The following ASPM variants were observed in gnomAD, a reference collection of about 807,000 sequenced individuals.
The protein encoded by ASPM is abnormal spindle-like microcephaly-associated protein.
In ASPM, 256 loss-of-function variants were observed where a neutral mutation model predicts 366.4. That is an observed-to-expected ratio of 0.70 (90% CI 0.63 to 0.77). ASPM has a LOEUF of 0.77. ASPM is among the 30% of genes least tolerant of loss of function. The pLI is 0.00. For synonymous variants in ASPM, 1,414 were observed against 1,342.9 expected, an observed-to-expected ratio of 1.05 and a Z score of -1.16; for missense variants, 4,146 against 4,090.4, an observed-to-expected ratio of 1.01 and a Z score of -0.37.
rs1470432298 is a variant in ASPM, at chr1:197,100,467, C to G, written c.8784G>C (p.Lys2928Asn). The change falls in exon 18 of 28, where the codon AAG (lysine) becomes AAC (asparagine). Residue 2928 changes from lysine to asparagine, a missense_variant. This residue lies in a region of ASPM where 3,624 missense variants were observed against 3,591.7 expected (regional missense o/e 1.01). Transcript: ENST00000367409. ...ARSKGFIQKR[K>N]FQEIKNSTIK... ...TGGTGCTATTTTTAATTTCCTGAAA[C>G]TTCCGTTTCTGTATAAATCCTTTAC... 6.4e-7 allele frequency: 1 copy of G among 1,570,388 alleles called. No individual in the cohort carries two copies. Among genetic ancestry groups the G allele is most frequent in the Admixed American group, 1.9e-5 (1 of 53,366 alleles).
At chr1:197,119,597 T>C (rs1360735384) in intron 16 of ASPM, among the ~76,000 whole-genome samples, 2 of 120,540 alleles carry the variant, frequency 1.7e-5, no homozygotes, top group Non-Finnish European at 3.7e-5. Flanking sequence ...AAATTACATA[T>C]ACTGATGATA....
intron 9 of ASPM, among the ~76,000 whole-genome samples, chr1:197,128,878 T>C (rs902541326): frequency 6.6e-5 from 10 of 152,150 alleles, no homozygotes; most frequent in Non-Finnish European, 1.0e-4. Context: ...TAGCATTAAC[T>C]TGATTATATA....
At position 197,146,643 on chromosome 1, in the gene ASPM, G is replaced by A; in HGVS notation, c.-206C>T. 1 of 623,730 alleles carries A rather than the reference G, an allele frequency of 1.6e-6. No homozygotes were observed. The highest frequency in any genetic ancestry group is 2.0e-5 in the South Asian group (1 of 50,588). The allele number at this position is 623,730 out of a possible 1,614,324, so 38.6% of individuals were successfully genotyped here. On this transcript the variant is annotated 5_prime_UTR_variant, in exon 1 of 28. Transcript: ENST00000367409. ...ATAAACTCGCAAATTAAAAAGAGGAGCCAAACAAGTATGGCGTTTTGACTC... is the reference window on the plus strand; with the variant it reads ...ATAAACTCGCAAATTAAAAAGAGGAACCAAACAAGTATGGCGTTTTGACTC...
In ASPM at chr1:197,139,790, G is replaced by T. The variant is rs1658528062; in HGVS notation, c.2003C>A (p.Thr668Asn). Residue 668 changes from threonine (T) to asparagine (N), a missense_variant, in exon 4 of 28, where the codon ACC (threonine) becomes AAC (asparagine). By Grantham distance (65) the Thr-to-Asn change is moderately conservative. Transcript: ENST00000367409. ...PIIAVAQSSL[T>N]FIKPLKTDIP... ...GCCTGTTTTTAATGGTTTTATGAAG[G>T]TCAAACTGGACTGTGCCACAGCGAT... is the stretch of plus-strand genomic sequence containing the variant. 3.1e-6 allele frequency: 5 copies of T among 1,610,018 alleles called. No individual in the cohort carries two copies. Among genetic ancestry groups the T allele is most frequent in the African/African-American group, 1.3e-5 (1 of 74,802 alleles).
intron 4 of ASPM, chr1:197,139,224 C>G (rs1571627178): frequency 1.1e-6 from 1 of 925,170 alleles, no homozygotes; most frequent in Admixed American, 1.7e-5. Flanking sequence ...GAAAACTCCC[C>G]AAGGCTAGTG....
In ASPM at chr1:197,146,640, G is replaced by A. The variant is rs1207975027; in HGVS notation, c.-203C>T. On this transcript the variant is annotated 5_prime_UTR_variant, in exon 1 of 28. Transcript: ENST00000367409. ...CCAATAAACTCGCAAATTAAAAAGA[G>A]GAGCCAAACAAGTATGGCGTTTTGA... 2 of 628,408 alleles carry A rather than the reference G, an allele frequency of 3.2e-6. No homozygotes were observed. The highest frequency in any genetic ancestry group is 2.8e-5 in the East Asian group (1 of 36,360). 38.9% of individuals were successfully genotyped at this position (628,408 alleles called of 1,614,324 possible). A position where few individuals can be genotyped will look rare whatever the true frequency, so the allele number is the denominator to read the frequency against.
Position 197,121,980 on chromosome 1 carries a change from C to A in ASPM, c.3805G>T (p.Ala1269Ser). 6.2e-7 allele frequency: 1 copy of A among 1,611,398 alleles called. No homozygotes were observed. Among genetic ancestry groups the A allele is most frequent in the Non-Finnish European group, 8.5e-7 (1 of 1,177,920 alleles). The change falls in exon 16 of 28, where the codon GCT becomes TCT. Residue 1269 changes from alanine (A) to serine (S), a missense_variant. Transcript: ENST00000367409. The stretch of plus-strand genomic sequence containing the variant: ...CATGTTGTTTGTATGAGTCGAGCAG[C>A]TCTTATTTCTTTACGAAGATCCAAA... ...RLLDLRKEIR[A>S]ARLIQTTWRK...
chr1:197,091,773 T>C, intron 22 of ASPM, 134 bp downstream of exon 22: 1 of 888,852 alleles, frequency 1.1e-6, no homozygotes, highest in Non-Finnish European at 1.7e-6. Flanking sequence ...CTCAAATCAT[T>C]GTAACAGCTA....
Position 197,102,150 on chromosome 1 carries a change from T to G in ASPM, c.7101A>C (p.Gln2367His). The G allele has an allele frequency of 1.2e-6, 2 of 1,612,932 alleles. No homozygotes were observed. The highest frequency in any genetic ancestry group is 1.7e-6 in the Non-Finnish European group (2 of 1,179,294). Residue 2367 changes from glutamine (Q) to histidine (H), a missense_variant, in exon 18 of 28, where the codon CAA (glutamine) becomes CAC (histidine). Around this residue, in one of 3 missense-constraint regions of ASPM, gnomAD observed 3,624 missense variants for 3,591.7 expected, o/e 1.01. Transcript: ENST00000367409. ...LKQASVVIQQ[Q>H]YQANRAAKLQ... Reference sequence around the variant, plus strand: ...GTTTTGCAGCTCTATTTGCTTGGTATTGCTGTTGGATCACAACGGAGGCCT... The same window carrying G: ...GTTTTGCAGCTCTATTTGCTTGGTAGTGCTGTTGGATCACAACGGAGGCCT...
intron 23 of ASPM, among the ~76,000 whole-genome samples, 159 bp downstream of exon 23, chr1:197,090,691 G>T (rs1656750586): frequency 6.6e-6 from 1 of 152,058 alleles, no homozygotes; most frequent in Non-Finnish European, 1.5e-5. Context: ...AAAATAAAGA[G>T]CTTAGCAATG....
chr1:197,084,220 G>T lies in ASPM; in HGVS notation c.*104C>A. 1.2e-6 allele frequency: 1 copy of T among 804,736 alleles called. No homozygotes were observed. The highest frequency in any genetic ancestry group is 2.1e-6 in the Non-Finnish European group (1 of 483,604). 49.8% of individuals were successfully genotyped at this position (804,736 alleles called of 1,614,324 possible). On this transcript the variant is annotated 3_prime_UTR_variant, in exon 28 of 28. Transcript: ENST00000367409. ...ACAGTTTATGTTTTTTTAAAACAAA[G>T]TCAGATTTTAAAAGTTGTACACGGA...
At position 197,101,311 on chromosome 1, in the gene ASPM, A is replaced by T. The variant is rs781611234; in HGVS notation, c.7940T>A (p.Leu2647His). The T allele has an allele frequency of 6.2e-6, 10 of 1,611,888 alleles. No homozygotes were observed. The South Asian group carries it at 1.1e-4, about 18-fold the overall frequency. Residue 2647 changes from leucine to histidine, a missense_variant, in exon 18 of 28, where the codon CTT becomes CAT. Physicochemically the swap from Leu to His is moderately conservative, Grantham distance 99 (BLOSUM62 -3). Around this residue, in one of 3 missense-constraint regions of ASPM, gnomAD observed 3,624 missense variants for 3,591.7 expected, o/e 1.01. Transcript: ENST00000367409. ...TTGAATAGAAACTACTGTTGCTCTA[A>T]GGTGGAGATAATGCTTCCTTATTTT... is the stretch of plus-strand genomic sequence containing the variant. ...AFKIRKHYLH[L>H]RATVVSIQRR...
Position 197,093,165 on chromosome 1 carries a change from T to C in ASPM, c.9181A>G (p.Lys3061Glu), listed in dbSNP as rs1434499220. The C allele has an allele frequency of 2.5e-6, 4 of 1,612,534 alleles. No homozygotes were observed. The highest frequency in any genetic ancestry group is 3.4e-6 in the Non-Finnish European group (4 of 1,179,012). The change falls in exon 21 of 28, where the codon AAA becomes GAA. Residue 3061 changes from lysine to glutamate, a missense_variant. Coordinates refer to ENST00000367409, the MANE Select transcript of ASPM (RefSeq NM_018136.5). ...CCAGCCTCCCTGGCTCGTATATATT[T>C]TTGTATGATCAAAGCAGCAGATTTC... Reference protein sequence around the residue: ...RQKSAALIIQKYIRAREAGKH... With the variant: ...RQKSAALIIQEYIRAREAGKH...
intron 4 of ASPM, 23 bp downstream of exon 4, chr1:197,139,744 G>T (rs754119186): frequency 2.4e-5 from 36 of 1,503,482 alleles, no homozygotes; most frequent in Non-Finnish European, 2.8e-6. Flanking sequence ...TTTTCAGAGA[G>T]TTTAAGTATA....
chr1:197,122,477 T>C lies in ASPM; in HGVS notation c.3509A>G (p.Glu1170Gly). Residue 1170 changes from glutamate to glycine, a missense_variant, in exon 14 of 28, where the codon GAA becomes GGA. Coordinates refer to ENST00000367409, the MANE Select transcript of ASPM (RefSeq NM_018136.5). ...TACCACTGAACCAGTTTGCGTACAT[T>C]CCACAGTTTGAGTAGTACGCTGACA... ...AICQRTTQTVECTQTGSVVLN... is the reference protein window; with the variant it reads ...AICQRTTQTVGCTQTGSVVLN... The C allele has an allele frequency of 6.2e-7, 1 of 1,613,806 alleles. No homozygotes were observed. Among genetic ancestry groups the C allele is most frequent in the East Asian group, 2.2e-5 (1 of 44,866 alleles).
At position 197,092,031 on chromosome 1, in the gene ASPM, C is replaced by A. The variant is rs587783290; in HGVS notation, c.9320G>T (p.Arg3107Leu). 6.2e-7 allele frequency: 1 copy of A among 1,611,484 alleles called. No homozygotes were observed. The highest frequency in any genetic ancestry group is 1.1e-5 in the South Asian group (1 of 90,974). ...KRFLEQRAKI[R>L]LLHFTAAAYY... Reference sequence around the variant, plus strand: ...TGCAGCTGCAGTGAAGTGAAGAAGTCGAATTTTGGCTCTCTGTTCTAAAAA... The same window carrying A: ...TGCAGCTGCAGTGAAGTGAAGAAGTAGAATTTTGGCTCTCTGTTCTAAAAA... Residue 3107 changes from arginine to leucine, a missense_variant, in exon 22 of 28, where the codon CGA (arginine) becomes CTA (leucine). Arg to Leu is a moderately radical substitution (Grantham distance 102). Transcript: ENST00000367409.
At chr1:197,120,261 T>C (rs781555559) in intron 16 of ASPM, among the ~76,000 whole-genome samples, 9 of 151,876 alleles carry the variant, frequency 5.9e-5, no homozygotes, top group Non-Finnish European at 1.0e-4. Flanking sequence ...CTGGGTGCAG[T>C]GGCTCATGCA....
Position 197,101,506 on chromosome 1 carries a change from AT to A in ASPM, c.7744del (p.Ile2582SerfsTer34), listed in dbSNP as rs757439389. On this transcript the variant is annotated frameshift_variant, in exon 18 of 28. Transcript: ENST00000367409. LOFTEE classifies it high-confidence loss of function. ...FYQKLQWATK[I>X]IQEKYRANKK... ...ATTTGCTCTATATTTTTCTTGTATG[AT>A]TTTTGTAGCCCACTGAAGCTTTTGG... 1.2e-6 allele frequency: 2 copies of A among 1,609,356 alleles called. No homozygotes were observed.
At chr1:197,084,466 C>G in intron 27 of ASPM, 40 bp from the exon 28 acceptor site, 1 of 1,411,088 alleles carries the variant, frequency 7.1e-7, no homozygotes, top group Non-Finnish European at 9.9e-7. Flanking sequence ...TAATAAAGTT[C>G]TTCTCTTTAG....
Sources: gnomAD v4.1 joint callset for allele counts (sites outside exome capture counted in the v4.1 genomes callset) on GRCh38, gnomAD v4.1.1 for gene constraint, gnomAD v4.1.1 regional missense constraint, MANE v1.5 for transcripts, NCBI Gene and HGNC (gene_info 2026-07-23, HGNC 2026-07-21) for gene names.